The following GRID1 variants were observed in gnomAD, a reference collection of about 807,000 sequenced individuals.
GRID1 encodes the protein glutamate ionotropic receptor delta type subunit 1.
A neutral mutation model predicts 98.0 loss-of-function variants in GRID1; 28 were observed. The observed-to-expected ratio is 0.29, with a 90% CI of 0.21 to 0.39. The LOEUF (loss-of-function observed/expected upper bound fraction) is 0.39. GRID1 is among the 10% of genes least tolerant of loss of function. GRID1 has a pLI of 1.00. For missense variants in GRID1, 1,111 were observed against 1,340.5 expected (o/e 0.83, Z 2.67); for synonymous variants, 553 against 538.5 (o/e 1.03, Z -0.37).
At chr10:85,737,353 G>A (rs1255451678) in intron 8 of GRID1, among the ~76,000 whole-genome samples, 1 of 152,054 alleles carries the variant, frequency 6.6e-6, no homozygotes, top group Non-Finnish European at 1.5e-5. Context: ...CTTCCCAGTG[G>A]TGCTGGAGAG....
At chr10:85,690,683 C>T (rs1841322081) in intron 12 of GRID1, among the ~76,000 whole-genome samples, 1 of 152,118 alleles carries the variant, frequency 6.6e-6, no homozygotes, top group African/African-American at 2.4e-5. Flanking sequence ...TCACTTTTTC[C>T]TTTCTAAGTG....
chr10:85,681,501 ATCT>A (rs934366404), intron 12 of GRID1, among the ~76,000 whole-genome samples: 10 of 152,254 alleles, frequency 6.6e-5, no homozygotes, highest in Admixed American at 5.2e-4. Flanking sequence ...CAGTCTCCAC[ATCT>A]TCTCTTCTTT....
chr10:85,832,450 T>A (rs1799309571), intron 8 of GRID1, among the ~76,000 whole-genome samples: 1 of 152,136 alleles, frequency 6.6e-6, no homozygotes, highest in Admixed American at 6.6e-5. Flanking sequence ...TCAAATGTGA[T>A]ACACAACAAG....
intron 2 of GRID1, among the ~76,000 whole-genome samples, chr10:86,263,372 C>T (rs1313122937): frequency 1.3e-5 from 2 of 152,150 alleles, no homozygotes; most frequent in East Asian, 1.9e-4. Flanking sequence ...GGAAATGAGA[C>T]GGCAGCGGGG....
At chr10:85,805,529 A>G (rs1590240146) in intron 8 of GRID1, among the ~76,000 whole-genome samples, 2 of 151,886 alleles carry the variant, frequency 1.3e-5, no homozygotes, top group East Asian at 3.9e-4. Context: ...AAGGACTAAG[A>G]ATAGACAAAA....
intron 3 of GRID1, among the ~76,000 whole-genome samples, chr10:86,191,884 T>A (rs1845807602): frequency 6.6e-6 from 1 of 152,132 alleles, no homozygotes; most frequent in Non-Finnish European, 1.5e-5. Context: ...GGGCCATGTG[T>A]TCCTGATGGC....
intron 5 of GRID1, among the ~76,000 whole-genome samples, chr10:85,893,627 A>G (rs1447351211): frequency 2.6e-5 from 4 of 152,212 alleles, no homozygotes; most frequent in Non-Finnish European, 5.9e-5. Context: ...AAGAAACACC[A>G]TTTACAATTA....
chr10:86,102,623 A>G (rs1484593639), intron 4 of GRID1, among the ~76,000 whole-genome samples: 2 of 152,238 alleles, frequency 1.3e-5, no homozygotes, highest in African/African-American at 2.4e-5. Flanking sequence ...TCCCCACAAC[A>G]TAAATGTGCC....
At chr10:85,913,776 C>G (rs1241151463) in intron 5 of GRID1, among the ~76,000 whole-genome samples, 1 of 152,024 alleles carries the variant, frequency 6.6e-6, no homozygotes, top group Non-Finnish European at 1.5e-5. Flanking sequence ...GGTGACAGAA[C>G]AAGACTCCAG....
intron 4 of GRID1, among the ~76,000 whole-genome samples, chr10:86,088,148 TA>T (rs1214624641): frequency 7.9e-5 from 12 of 152,336 alleles, no homozygotes; most frequent in Admixed American, 6.5e-4. Context: ...GAGCCAAATG[TA>T]AAGTCTATAC....
chr10:85,804,279 T>G (rs1050018566), intron 8 of GRID1, among the ~76,000 whole-genome samples: 4 of 150,420 alleles, frequency 2.7e-5, no homozygotes, highest in Non-Finnish European at 4.5e-5. Flanking sequence ...TTTGAAAAAA[T>G]AAAGTGAAAA....
intron 4 of GRID1, among the ~76,000 whole-genome samples, chr10:85,994,846 CA>C (rs1315021217): frequency 6.6e-6 from 1 of 152,202 alleles, no homozygotes; most frequent in Non-Finnish European, 1.5e-5. Context: ...TTGAAGCAAT[CA>C]AAAGCACCTA....
intron 8 of GRID1, among the ~76,000 whole-genome samples, chr10:85,820,414 T>C (rs1365385235): frequency 6.6e-6 from 1 of 152,218 alleles, no homozygotes; most frequent in East Asian, 1.9e-4. Flanking sequence ...CATAGTTTAC[T>C]TCATATGTCT....
At position 85,856,147 on chromosome 10, in the gene GRID1, T is replaced by C; in HGVS notation, c.995A>G (p.Asn332Ser). 3 of 1,614,116 alleles carry C rather than the reference T, an allele frequency of 1.9e-6. No homozygotes were observed. The highest frequency in any genetic ancestry group is 8.5e-7 in the Non-Finnish European group (1 of 1,179,984). The part of the protein sequence containing the change: ...YLYDSVLMLA[N>S]AFHRKLEDRK... ...GTCCTCCAGCTTCCTGTGAAAGGCG[T>C]TGGCCAGCATCAGAACACTGTCATA... Residue 332 changes from asparagine (N) to serine (S), a missense_variant, in exon 7 of 16, where the codon AAC becomes AGC. Asn to Ser is a conservative substitution (Grantham distance 46). Around this residue, in one of 3 missense-constraint regions of GRID1, gnomAD observed 346 missense variants for 452.3 expected, o/e 0.76. Transcript: ENST00000327946.
chr10:85,895,573 T>C (rs887051260), intron 5 of GRID1, among the ~76,000 whole-genome samples: 1 of 152,174 alleles, frequency 6.6e-6, no homozygotes, highest in Non-Finnish European at 1.5e-5. Flanking sequence ...TTCTTGTGGT[T>C]CCTGGCTATG....
chr10:85,797,357 C>T (rs951977368), intron 8 of GRID1, among the ~76,000 whole-genome samples: 5 of 152,032 alleles, frequency 3.3e-5, no homozygotes, highest in African/African-American at 1.2e-4. Flanking sequence ...AATTCACATC[C>T]TCTTCACCAC....
intron 4 of GRID1, among the ~76,000 whole-genome samples, chr10:85,972,653 C>T (rs1343383919): frequency 1.3e-5 from 2 of 151,788 alleles, no homozygotes; most frequent in Admixed American, 1.3e-4. Flanking sequence ...CTTAGCTATT[C>T]CCTACACTGA....
intron 8 of GRID1, among the ~76,000 whole-genome samples, chr10:85,729,899 G>C (rs936354914): frequency 4.6e-5 from 7 of 152,312 alleles, no homozygotes; most frequent in East Asian, 1.9e-4. Flanking sequence ...TTTATGTCCA[G>C]TTTTATTCTG....
At chr10:85,607,957 A>G (rs1302924569) in intron 15 of GRID1, among the ~76,000 whole-genome samples, 1 of 151,938 alleles carries the variant, frequency 6.6e-6, no homozygotes, top group Non-Finnish European at 1.5e-5. Flanking sequence ...AGCTCGGACT[A>G]CAGTCACATA....
Sources: allele counts gnomAD v4.1 joint callset (sites outside exome capture counted in the v4.1 genomes callset), GRCh38; gene constraint gnomAD v4.1.1; regional missense constraint gnomAD v4.1.1; transcripts MANE v1.5; gene names NCBI Gene and HGNC (gene_info 2026-07-23, HGNC 2026-07-21).